The following LRCH1 variants were observed in gnomAD, a reference collection of about 807,000 sequenced individuals.
The protein encoded by LRCH1 is leucine rich repeats and calponin homology domain containing 1, also known as leucine-rich repeat and calponin homology domain-containing protein 1.
A neutral mutation model predicts 94.9 loss-of-function variants in LRCH1; 23 were observed. That is an observed-to-expected ratio of 0.24 (90% CI 0.17 to 0.34). The LOEUF is 0.34. Ranked by LOEUF, LRCH1 falls within the 10% of genes least tolerant of loss-of-function variation. The pLI, the probability that LRCH1 is intolerant of heterozygous loss-of-function variation, is 1.00. For missense variants in LRCH1, 790 were observed against 945.9 expected (o/e 0.84, Z 2.16); for synonymous variants, 364 against 354.9 (o/e 1.03, Z -0.29).
At chr13:46,650,722 C>CAAAAAAAAAAA (rs756410319) in intron 2 of LRCH1, among the ~76,000 whole-genome samples, 4 of 58,216 alleles carry the variant, frequency 6.9e-5, no homozygotes, top group Admixed American at 2.1e-4. Context: ...AAACAAGGAG[C>CAAAAAAAAAAA]AAAAAAAAAA....
At chr13:46,750,671 G>A in exon 19 of LRCH1, 1 of 1,490,936 alleles carries the variant, frequency 6.7e-7, no homozygotes, top group South Asian at 1.2e-5. Context: ...TCTCCATTGG[G>A]GGCTCAGACT....
At chr13:46,565,639 C>T (rs954117207) in intron 1 of LRCH1, among the ~76,000 whole-genome samples, 4 of 151,688 alleles carry the variant, frequency 2.6e-5, no homozygotes, top group Non-Finnish European at 4.4e-5. Flanking sequence ...TGGTGAGACC[C>T]GTCTCTACTA....
chr13:46,556,318 A>G lies in LRCH1; in HGVS notation c.307+2615A>G, dbSNP rs115489115. Among the ~76,000 whole-genome samples the G allele has an allele frequency of 3.7e-3, 566 of 152,372 alleles. 2 individuals are homozygous for G. The highest frequency in any genetic ancestry group is 0.013 in the African/African-American group (540 of 41,580). Reference sequence around the variant, plus strand: ...GAGTGGAAAACCAAGATGTAAACAAAGAAACATAGAATAGATGTCTAAGCT... The same window carrying G: ...GAGTGGAAAACCAAGATGTAAACAAGGAAACATAGAATAGATGTCTAAGCT... On this transcript the variant is annotated intron_variant, in intron 1 of 19. Coordinates refer to ENST00000389797, the MANE Select transcript of LRCH1 (RefSeq NM_001164211.2).
At chr13:46,616,033 G>T (rs2050803732) in intron 1 of LRCH1, among the ~76,000 whole-genome samples, 1 of 152,152 alleles carries the variant, frequency 6.6e-6, no homozygotes, top group African/African-American at 2.4e-5. Flanking sequence ...ATTAAACATT[G>T]TTTCTTAGAA....
chr13:46,661,218 G>A (rs549055621), intron 2 of LRCH1, among the ~76,000 whole-genome samples: 7 of 152,104 alleles, frequency 4.6e-5, no homozygotes, highest in East Asian at 1.9e-4. Flanking sequence ...TGACCCACCC[G>A]GTTTCAAACC....
intron 19 of LRCH1, among the ~76,000 whole-genome samples, chr13:46,737,670 A>G (rs1260662177): frequency 6.6e-6 from 1 of 152,148 alleles, no homozygotes; most frequent in Non-Finnish European, 1.5e-5. Flanking sequence ...TCACCTAAGA[A>G]TCTGACTCCA....
chr13:46,696,182 G>A (rs1003556015), intron 9 of LRCH1, among the ~76,000 whole-genome samples: 2 of 145,580 alleles, frequency 1.4e-5, no homozygotes, highest in Non-Finnish European at 3.0e-5. Context: ...CCGCGTGCAT[G>A]CATGCATGTG....
chr13:46,688,880 T>C (rs1421229572), intron 6 of LRCH1, among the ~76,000 whole-genome samples: 1 of 152,208 alleles, frequency 6.6e-6, no homozygotes, highest in Non-Finnish European at 1.5e-5. Context: ...GCCACTTGAT[T>C]AGAGCATAAA....
At chr13:46,739,253 G>T (rs193124213) in intron 19 of LRCH1, among the ~76,000 whole-genome samples, 3 of 152,286 alleles carry the variant, frequency 2.0e-5, no homozygotes, top group Admixed American at 6.5e-5. Flanking sequence ...CTCTGGTTGT[G>T]TGCAACCTAA....
At chr13:46,558,914 T>C (rs1439650307) in intron 1 of LRCH1, among the ~76,000 whole-genome samples, 1 of 152,220 alleles carries the variant, frequency 6.6e-6, no homozygotes, top group Non-Finnish European at 1.5e-5. Context: ...GGCTGAAGCC[T>C]AGGATTTGTC....
chr13:46,685,976 A>G lies in LRCH1; in HGVS notation c.757A>G (p.Arg253Gly). Reference protein sequence around the residue: ...NKVLVIPICFREMKQLQVLLL... With the variant: ...NKVLVIPICFGEMKQLQVLLL... ...AGTGCTCGTGATTCCAATTTGTTTT[A>G]GAGAGATGAAGCAGCTGCAAGTGTT... The change falls in exon 5 of 20, where the codon AGA becomes GGA. Residue 253 changes from arginine to glycine, a missense_variant. By Grantham distance (125) the Arg-to-Gly change is moderately radical. Coordinates refer to ENST00000389797, the MANE Select transcript of LRCH1 (RefSeq NM_001164211.2). The G allele has an allele frequency of 6.2e-7, 1 of 1,611,400 alleles. No individual in the cohort carries two copies. The highest frequency in any genetic ancestry group is 8.5e-7 in the Non-Finnish European group (1 of 1,179,100).
intron 7 of LRCH1, among the ~76,000 whole-genome samples, chr13:46,689,998 A>G (rs1870815589): frequency 6.6e-6 from 1 of 152,106 alleles, no homozygotes; most frequent in Non-Finnish European, 1.5e-5. Flanking sequence ...ACATTATAAT[A>G]CTGTGAAATT....
At chr13:46,734,606 A>G (rs1380321125) in intron 19 of LRCH1, among the ~76,000 whole-genome samples, 2 of 152,096 alleles carry the variant, frequency 1.3e-5, no homozygotes, top group Admixed American at 6.6e-5. Flanking sequence ...ATAGTTTGCT[A>G]TTTTTTCTCT....
intron 3 of LRCH1, among the ~76,000 whole-genome samples, chr13:46,673,347 G>C (rs1055365427): frequency 6.6e-6 from 1 of 152,088 alleles, no homozygotes; most frequent in Non-Finnish European, 1.5e-5. Flanking sequence ...TTAATAAGTG[G>C]TCATTATTTA....
intron 3 of LRCH1, among the ~76,000 whole-genome samples, chr13:46,676,051 A>T (rs1490088041): frequency 6.6e-6 from 1 of 152,186 alleles, no homozygotes; most frequent in Non-Finnish European, 1.5e-5. Flanking sequence ...GGCCGAGGTC[A>T]GGAGTTCGAG....
intron 17 of LRCH1, among the ~76,000 whole-genome samples, chr13:46,726,162 T>A (rs182737244): frequency 2.7e-3 from 412 of 152,322 alleles, no homozygotes; most frequent in South Asian, 6.4e-3. Flanking sequence ...GAAAATCGAT[T>A]TCTCTACTTC....
At chr13:46,646,957 AC>A (rs1178899181) in intron 1 of LRCH1, among the ~76,000 whole-genome samples, 1 of 152,058 alleles carries the variant, frequency 6.6e-6, no homozygotes, top group Non-Finnish European at 1.5e-5. Flanking sequence ...TACTAAAAAT[AC>A]AAAAATTAGC....
rs149933899 is a variant in LRCH1 at position 46,563,538 on chromosome 13, G to A, written c.307+9835G>A. Among the ~76,000 whole-genome samples, 590 of 152,266 alleles carry A rather than the reference G, an allele frequency of 3.9e-3. 4 individuals are homozygous for A. Among genetic ancestry groups the A allele is most frequent in the South Asian group, 0.026 (126 of 4,830 alleles). On this transcript the variant is annotated intron_variant, in intron 1 of 19. Coordinates refer to ENST00000389797, the MANE Select transcript of LRCH1 (RefSeq NM_001164211.2). ...TATGTACCTAGTAGAGTTGTCATGA[G>A]GACATTGGTTATAATAACAACAGCT...
chr13:46,709,651 A>G (rs1156440671), intron 13 of LRCH1, among the ~76,000 whole-genome samples: 1 of 152,162 alleles, frequency 6.6e-6, no homozygotes, highest in African/African-American at 2.4e-5. Flanking sequence ...GAAAACCTCA[A>G]GAAAAAAAAA....
Sources: allele counts gnomAD v4.1 joint callset (sites outside exome capture counted in the v4.1 genomes callset), GRCh38; gene constraint gnomAD v4.1.1; transcripts MANE v1.5; gene names NCBI Gene and HGNC (gene_info 2026-07-23, HGNC 2026-07-21).